PTPRD: variants seen among roughly 807,000 people sequenced by gnomAD.
PTPRD encodes receptor-type tyrosine-protein phosphatase delta.
In PTPRD, 34 loss-of-function variants were observed where a neutral mutation model predicts 214.5. The observed-to-expected ratio is 0.16, with a 90% confidence interval of 0.12 to 0.21. The LOEUF is 0.21. Among genes scored for constraint, PTPRD ranks in the 10% least tolerant of loss-of-function variants. PTPRD has a pLI of 1.00. For missense variants in PTPRD, 2,545 were observed against 2,398.7 expected (o/e 1.06, Z -1.27); for synonymous variants, 1,128 against 845.7 (o/e 1.33, Z -5.79).
chr9:9,188,327 G>A (rs745985881), intron 9 of PTPRD, among the ~76,000 whole-genome samples: 3 of 152,004 alleles, frequency 2.0e-5, no homozygotes, highest in African/African-American at 4.8e-5. Context: ...AATTAATGCC[G>A]CAATAAACAT....
chr9:8,665,160 T>C (rs2097146047), intron 12 of PTPRD, among the ~76,000 whole-genome samples: 4 of 152,238 alleles, frequency 2.6e-5, no homozygotes, highest in Admixed American at 6.5e-5. Context: ...AAGCAGTTTT[T>C]AATCAAAAGT....
intron 7 of PTPRD, among the ~76,000 whole-genome samples, chr9:9,603,019 G>GA (rs59273136): frequency 0.028 from 4,223 of 150,464 alleles, 178 homozygotes; most frequent in African/African-American, 0.097. Flanking sequence ...AAAAGAGTAA[G>GA]AAAAAAAAAG....
At chr9:9,595,520 A>G (rs1285631067) in intron 7 of PTPRD, among the ~76,000 whole-genome samples, 6 of 145,348 alleles carry the variant, frequency 4.1e-5, no homozygotes. Flanking sequence ...ATGCATACAT[A>G]TATACACACG....
At chr9:9,263,343 T>C (rs915700180) in intron 9 of PTPRD, among the ~76,000 whole-genome samples, 5 of 151,710 alleles carry the variant, frequency 3.3e-5, no homozygotes, top group Non-Finnish European at 7.4e-5. Context: ...TTCCACCTTC[T>C]TCTCATCTAA....
chr9:10,043,236 T>A (rs921187404), intron 3 of PTPRD, among the ~76,000 whole-genome samples: 1 of 151,956 alleles, frequency 6.6e-6, no homozygotes, highest in Non-Finnish European at 1.5e-5. Context: ...AACCTGCAAT[T>A]TATATGTAAA....
chr9:10,183,095 T>C (rs139260077), intron 3 of PTPRD, among the ~76,000 whole-genome samples: 6 of 152,314 alleles, frequency 3.9e-5, no homozygotes, highest in Admixed American at 6.5e-5. Context: ...AGAGTTGTTA[T>C]GGATTTTAAC....
chr9:9,310,442 T>C (rs960076746), intron 9 of PTPRD, among the ~76,000 whole-genome samples: 1 of 152,130 alleles, frequency 6.6e-6, no homozygotes, highest in Non-Finnish European at 1.5e-5. Flanking sequence ...GCCTGTACTA[T>C]CTACAAGTGA....
At position 9,319,667 on chromosome 9, in the gene PTPRD, C is replaced by A. The variant is rs376076008; in HGVS notation, c.-203+77782G>T. ...CACCTCTTCTTAGAGGTAGCTCTTA[C>A]GTAGTTCAGAAGTCTGAGTTAAGTA... On this transcript the variant is annotated intron_variant, in intron 9 of 45. Coordinates refer to ENST00000381196, the MANE Select transcript of PTPRD (RefSeq NM_002839.4). Among the ~76,000 whole-genome samples the A allele has an allele frequency of 3.9e-5, 6 of 152,224 alleles. No individual in the cohort carries two copies. The South Asian group carries it at 8.3e-4, about 21-fold the overall frequency.
intron 9 of PTPRD, among the ~76,000 whole-genome samples, chr9:9,358,666 A>G (rs1002043800): frequency 5.3e-5 from 8 of 151,304 alleles, no homozygotes; most frequent in African/African-American, 1.2e-4. Context: ...TAGCTATTCT[A>G]TATCTCAGAA....
intron 11 of PTPRD, among the ~76,000 whole-genome samples, chr9:8,954,632 T>G (rs936882297): frequency 1.3e-5 from 2 of 151,826 alleles, no homozygotes; most frequent in Non-Finnish European, 2.9e-5. Context: ...GGAGAGCTGT[T>G]CCAATGAGAA....
chr9:10,464,520 G>A (rs143691882), intron 2 of PTPRD, among the ~76,000 whole-genome samples: 230 of 151,526 alleles, frequency 1.5e-3, no homozygotes, highest in Non-Finnish European at 2.7e-3. Flanking sequence ...TGAAGAGAAC[G>A]AAAGATAAAT....
chr9:8,775,920 T>G (rs374665069), intron 11 of PTPRD, among the ~76,000 whole-genome samples: 2 of 152,120 alleles, frequency 1.3e-5, no homozygotes, highest in South Asian at 2.1e-4. Context: ...CATGAACAGC[T>G]TGATGTTTCA....
At chr9:8,461,753 C>G (rs2096411828) in intron 32 of PTPRD, among the ~76,000 whole-genome samples, 1 of 151,992 alleles carries the variant, frequency 6.6e-6, no homozygotes, top group Non-Finnish European at 1.5e-5. Context: ...ATCTTTCCAA[C>G]TGCTCATGCC....
At chr9:9,893,375 A>G (rs2074008584) in intron 5 of PTPRD, among the ~76,000 whole-genome samples, 1 of 152,110 alleles carries the variant, frequency 6.6e-6, no homozygotes, top group Non-Finnish European at 1.5e-5. Context: ...TGCTGTCTTC[A>G]AGAGACTCAT....
chr9:8,952,321 T>A (rs2099106591), intron 11 of PTPRD, among the ~76,000 whole-genome samples: 1 of 152,030 alleles, frequency 6.6e-6, no homozygotes, highest in South Asian at 2.1e-4. Context: ...AAATTCAGCA[T>A]ATTAATATAA....
intron 5 of PTPRD, among the ~76,000 whole-genome samples, chr9:9,930,253 G>C (rs2085980270): frequency 6.6e-6 from 1 of 152,058 alleles, no homozygotes; most frequent in African/African-American, 2.4e-5. Context: ...TGTGCCTTTG[G>C]TTAGAGTCAC....
In PTPRD at chr9:9,704,213, A is replaced by G. The variant is rs552668167; in HGVS notation, c.-287+30320T>C. Among the ~76,000 whole-genome samples, 4 of 152,058 alleles carry G rather than the reference A, an allele frequency of 2.6e-5. No homozygotes were observed. The South Asian group carries it at 8.3e-4, about 32-fold the overall frequency. ...AGCACATCTACATACATTTTAACGAACTATTGTCTGTGATATTGCCATCAA... is the reference window on the plus strand; with the variant it reads ...AGCACATCTACATACATTTTAACGAGCTATTGTCTGTGATATTGCCATCAA... On this transcript the variant is annotated intron_variant, in intron 7 of 45. Coordinates refer to ENST00000381196, the MANE Select transcript of PTPRD (RefSeq NM_002839.4).
rs756573709 is a variant in PTPRD, at chr9:8,692,364, C to G, written c.64+41416G>C. On this transcript the variant is annotated intron_variant, in intron 12 of 45. Transcript: ENST00000381196. ...CTTCCATCTAGTGGTTCTATCATCT[C>G]TTCCTGGAATCTTCCATTGGACCTC... 3.8e-4 allele frequency among the ~76,000 whole-genome samples: 58 copies of G among 152,094 alleles called. 1 individual carries two copies. The highest frequency in any genetic ancestry group is 6.3e-4 in the Non-Finnish European group (43 of 68,018).
chr9:8,696,403 T>A (rs983145544), intron 12 of PTPRD, among the ~76,000 whole-genome samples: 3 of 152,210 alleles, frequency 2.0e-5, no homozygotes, highest in Non-Finnish European at 4.4e-5. Context: ...CTACATTAAA[T>A]TCTAGATGTG....
Sources: gnomAD v4.1 joint callset for allele counts (sites outside exome capture counted in the v4.1 genomes callset) on GRCh38, gnomAD v4.1.1 for gene constraint, MANE v1.5 for transcripts, NCBI Gene and HGNC (gene_info 2026-07-23, HGNC 2026-07-21) for gene names.